The following CAST variants were observed in gnomAD, a reference collection of about 807,000 sequenced individuals.
The protein encoded by CAST is calpastatin.
CAST carries 76 observed loss-of-function variants against 119.6 expected under a neutral mutation model. The ratio of observed to expected loss-of-function variants is 0.64; its 90% CI spans 0.53 to 0.77. The LOEUF (loss-of-function observed/expected upper bound fraction) is 0.77, where lower values mean the gene tolerates loss of function less well. CAST is among the 30% of genes least tolerant of loss of function. CAST has a pLI of 0.00. For synonymous variants in CAST, 319 were observed against 331.6 expected (o/e 0.96, Z 0.41); for missense variants, 953 against 946.5 (o/e 1.01, Z -0.09).
chr5:96,153,252 C>T, the CAST span, among the ~76,000 whole-genome samples: 2 of 152,216 alleles, frequency 1.3e-5, no homozygotes, highest in East Asian at 3.8e-4. Context: ...GAGTCTGGGA[C>T]CCTGCCCTAG....
the CAST span, among the ~76,000 whole-genome samples, chr5:96,167,697 T>C: frequency 6.6e-6 from 1 of 152,158 alleles, no homozygotes; most frequent in African/African-American, 2.4e-5. Context: ...AACTGAGGAA[T>C]TCTGTCTGAC....
At chr5:96,401,968 G>A in the CAST span, among the ~76,000 whole-genome samples, 1 of 152,074 alleles carries the variant, frequency 6.6e-6, no homozygotes, top group African/African-American at 2.4e-5. Flanking sequence ...ACTTTTCCTC[G>A]ACTTTGAGAC....
chr5:96,236,746 C>T, the CAST span, among the ~76,000 whole-genome samples: 6 of 152,154 alleles, frequency 3.9e-5, no homozygotes, highest in African/African-American at 9.7e-5. Context: ...AAATTCAAAT[C>T]GAACTGGGTG....
At chr5:96,174,038 G>A in the CAST span, among the ~76,000 whole-genome samples, 6 of 152,090 alleles carry the variant, frequency 3.9e-5, no homozygotes, top group East Asian at 5.8e-4. Flanking sequence ...CACCGCGCCC[G>A]GCCTGAACTT....
chr5:96,763,071 T>G (rs1768558609), intron 25 of CAST: 4 of 768,582 alleles, frequency 5.2e-6, no homozygotes, highest in Non-Finnish European at 9.6e-6. Flanking sequence ...CCATCTCCTT[T>G]GGTTGAGAAC....
intron 1 of CAST, among the ~76,000 whole-genome samples, chr5:96,663,823 T>G (rs1195358260): frequency 1.3e-5 from 2 of 152,076 alleles, no homozygotes; most frequent in African/African-American, 4.8e-5. Context: ...GACAAGAACA[T>G]TCCATTTGTT....
the CAST span, among the ~76,000 whole-genome samples, chr5:96,449,611 TTAAA>T: frequency 6.6e-6 from 1 of 152,260 alleles, no homozygotes; most frequent in Non-Finnish European, 1.5e-5. Context: ...TTTTTTCTTC[TTAAA>T]TACTTTGCCA....
rs1750200696 is a variant in CAST, at chr5:96,672,518, TC to T, written c.76-3020del. Among the ~76,000 whole-genome samples, 3 of 152,024 alleles carry T rather than the reference TC, an allele frequency of 2.0e-5. No homozygotes were observed. In the East Asian group the frequency reaches 5.8e-4, roughly 29 times the overall value. On this transcript the variant is annotated intron_variant, in intron 1 of 31. Transcript: ENST00000675179. ...TGTCAGGAGTTCAAGACCAGCCTGATCAACATGTCAAAACCCCATCTCTACT... is the reference window on the plus strand; with the variant it reads ...TGTCAGGAGTTCAAGACCAGCCTGATAACATGTCAAAACCCCATCTCTACT...
intron 1 of CAST, among the ~76,000 whole-genome samples, chr5:96,656,944 T>TAA (rs1554072792): frequency 2.3e-4 from 35 of 150,760 alleles, no homozygotes; most frequent in South Asian, 8.4e-4. Flanking sequence ...TTTTCTTAAT[T>TAA]AAAAAAAAAC....
chr5:96,425,691 C>A, the CAST span: 2 of 681,406 alleles, frequency 2.9e-6, no homozygotes, highest in East Asian at 2.7e-5. Context: ...CAGCCCTAAT[C>A]TCCAGACAAT....
the CAST span, among the ~76,000 whole-genome samples, chr5:96,125,001 T>G: frequency 6.6e-6 from 1 of 152,170 alleles, no homozygotes. Context: ...GATTAAATTT[T>G]TAAAAGAGTA....
the CAST span, among the ~76,000 whole-genome samples, chr5:96,126,206 A>G: frequency 6.6e-6 from 1 of 152,130 alleles, no homozygotes; most frequent in Non-Finnish European, 1.5e-5. Context: ...TGTTATATTA[A>G]TAATTTCTCA....
the CAST span, among the ~76,000 whole-genome samples, chr5:96,161,134 TTCTA>T: frequency 2.0e-5 from 3 of 152,144 alleles, no homozygotes; most frequent in Non-Finnish European, 2.9e-5. Flanking sequence ...TTATTTTTTC[TTCTA>T]TCTCTTGTGC....
At chr5:96,193,131 A>G in the CAST span, among the ~76,000 whole-genome samples, 5 of 152,324 alleles carry the variant, frequency 3.3e-5, no homozygotes, top group East Asian at 1.9e-4. Context: ...TAGTTTAAGC[A>G]TATGTCAAAC....
chr5:96,286,155 A>G, the CAST span, among the ~76,000 whole-genome samples: 23 of 152,344 alleles, frequency 1.5e-4, 1 homozygote, highest in East Asian at 4.4e-3. Context: ...TTGCAAAATC[A>G]AGGTAATGGA....
the CAST span, among the ~76,000 whole-genome samples, chr5:96,115,706 A>G: frequency 4.1e-4 from 63 of 152,352 alleles, no homozygotes; most frequent in Middle Eastern, 0.014. Flanking sequence ...GAAGGTGACT[A>G]AGGAGAAAGT....
chr5:96,752,155 GA>G, intron 20 of CAST, among the ~76,000 whole-genome samples: 1 of 152,266 alleles, frequency 6.6e-6, no homozygotes, highest in South Asian at 2.1e-4. Context: ...ATTTATTAAG[GA>G]AACCCAGAGA....
chr5:96,250,781 A>G, the CAST span, among the ~76,000 whole-genome samples: 1 of 152,140 alleles, frequency 6.6e-6, no homozygotes, highest in Admixed American at 6.5e-5. Flanking sequence ...GCAATAGTCT[A>G]GATAGAAGAA....
At chr5:96,280,596 C>T in the CAST span, among the ~76,000 whole-genome samples, 2 of 152,332 alleles carry the variant, frequency 1.3e-5, no homozygotes, top group East Asian at 3.9e-4. Flanking sequence ...CATACCCACA[C>T]TAAGCCTCAG....
Sources: allele counts gnomAD v4.1 joint callset (sites outside exome capture counted in the v4.1 genomes callset), GRCh38; gene constraint gnomAD v4.1.1; transcripts MANE v1.5; gene names NCBI Gene and HGNC (gene_info 2026-07-23, HGNC 2026-07-21).